DLGAP4: variants seen among roughly 807,000 people sequenced by gnomAD.
DLGAP4 encodes DLG associated protein 4, also known as disks large-associated protein 4.
Under a neutral mutation model 86.9 loss-of-function variants are expected in DLGAP4, and 18 were observed. The observed-to-expected ratio is 0.21, with a 90% CI of 0.14 to 0.31. The LOEUF is 0.31. Among genes scored for constraint, DLGAP4 ranks in the 10% least tolerant of loss-of-function variants. The probability of loss-of-function intolerance (pLI) is 1.00; values close to 1 mark genes in which losing one functional copy is unlikely to be tolerated. For synonymous variants in DLGAP4, 548 were observed against 574.3 expected (o/e 0.95, Z 0.65); for missense variants, 1,085 against 1,362.6 (o/e 0.80, Z 3.21).
chr20:36,466,794 C>T (rs570659249), intron 7 of DLGAP4, among the ~76,000 whole-genome samples: 2 of 152,344 alleles, frequency 1.3e-5, no homozygotes, highest in East Asian at 1.9e-4. Flanking sequence ...TGCCTCCCTC[C>T]CCCGGGCTCC....
At chr20:36,319,846 C>A (rs373293264) in intron 1 of DLGAP4, among the ~76,000 whole-genome samples, 26 of 152,232 alleles carry the variant, frequency 1.7e-4, no homozygotes, top group African/African-American at 5.5e-4. Context: ...CCACCCCAGG[C>A]CTCTGTGTGA....
chr20:36,329,446 T>C (rs1277318497), intron 1 of DLGAP4, among the ~76,000 whole-genome samples: 1 of 152,206 alleles, frequency 6.6e-6, no homozygotes, highest in African/African-American at 2.4e-5. Flanking sequence ...ACTGAAGTAA[T>C]GTGTGCAAGA....
intron 7 of DLGAP4, among the ~76,000 whole-genome samples, chr20:36,488,542 C>G (rs2035520486): frequency 6.6e-6 from 1 of 152,010 alleles, no homozygotes; most frequent in Non-Finnish European, 1.5e-5. Flanking sequence ...ACCAACCAAT[C>G]AATCCATAAC....
chr20:36,500,543 C>T lies in DLGAP4; in HGVS notation c.2444C>T (p.Thr815Ile). The T allele has an allele frequency of 1.3e-6, 2 of 1,548,106 alleles. No individual in the cohort carries two copies. The highest frequency in any genetic ancestry group is 1.7e-6 in the Non-Finnish European group (2 of 1,150,288). ...TTCCTAAAGCTACTGCAGGCAGAAA[C>T]AGAGCGGCTGGAAGGCTGGTGCTGC... The part of the protein sequence containing the change: ...YWFLKLLQAE[T>I]ERLEGWCCQM... The change falls in exon 10 of 13, where the codon ACA becomes ATA. Residue 815 changes from threonine (T) to isoleucine (I), a missense_variant. Transcript: ENST00000339266. The surrounding 1 kb of genome is among the most constrained non-coding windows in gnomAD (Gnocchi z 4.6).
intron 2 of DLGAP4, among the ~76,000 whole-genome samples, chr20:36,389,832 T>G (rs1398636584): frequency 6.6e-6 from 1 of 152,218 alleles, no homozygotes; most frequent in Non-Finnish European, 1.5e-5. Context: ...AATTAATTGC[T>G]CAGGTGTGTG....
At chr20:36,416,163 C>T (rs1365534790) in intron 2 of DLGAP4, among the ~76,000 whole-genome samples, 1 of 152,088 alleles carries the variant, frequency 6.6e-6, no homozygotes. Flanking sequence ...GCTTTGTCGC[C>T]CAGGCTGGAG....
chr20:36,434,888 A>C (rs6018807), intron 3 of DLGAP4, among the ~76,000 whole-genome samples: 4,873 of 152,120 alleles, frequency 0.032, 283 homozygotes, highest in African/African-American at 0.11. Context: ...ACACTGAATG[A>C]GTGGGCTTGG....
chr20:36,519,978 T>C (rs2037277802), intron 10 of DLGAP4, among the ~76,000 whole-genome samples: 1 of 151,168 alleles, frequency 6.6e-6, no homozygotes, highest in African/African-American at 2.4e-5. Flanking sequence ...TTTCTTTTGG[T>C]AGAGAAGAGG....
chr20:36,341,183 G>A (rs1335486320), intron 1 of DLGAP4, among the ~76,000 whole-genome samples: 5 of 152,276 alleles, frequency 3.3e-5, no homozygotes, highest in African/African-American at 7.2e-5. Context: ...TCAGGACCTC[G>A]GCCCGGCCAT....
chr20:36,412,979 CTTTTT>C (rs71184093), intron 2 of DLGAP4, among the ~76,000 whole-genome samples: 1 of 110,852 alleles, frequency 9.0e-6, no homozygotes, highest in African/African-American at 3.7e-5. Flanking sequence ...GAACTCTTTT[CTTTTT>C]TTTTTTTTTT....
At chr20:36,391,155 G>A (rs556594436) in intron 2 of DLGAP4, among the ~76,000 whole-genome samples, 1 of 152,224 alleles carries the variant, frequency 6.6e-6, no homozygotes, top group East Asian at 1.9e-4. Flanking sequence ...TTCTATCTCA[G>A]AGACTGCCCC....
At chr20:36,376,965 G>A (rs185454960) in intron 2 of DLGAP4, among the ~76,000 whole-genome samples, 7 of 152,276 alleles carry the variant, frequency 4.6e-5, no homozygotes, top group Admixed American at 3.9e-4. Context: ...ACGGTCCAGG[G>A]GCAGAGGTGG....
chr20:36,497,407 C>T (rs1169417453), intron 8 of DLGAP4: 11 of 1,142,394 alleles, frequency 9.6e-6, no homozygotes, highest in African/African-American at 9.6e-5. Context: ...CCAGCTGACC[C>T]GTGGGAGGCG....
At chr20:36,353,553 C>G (rs926727767) in intron 1 of DLGAP4, among the ~76,000 whole-genome samples, 1 of 152,220 alleles carries the variant, frequency 6.6e-6, no homozygotes, top group African/African-American at 2.4e-5. Context: ...TTCTTGTAAG[C>G]ACCTGGTTAC....
chr20:36,467,017 C>T (rs1600582456), intron 7 of DLGAP4, among the ~76,000 whole-genome samples: 1 of 50,358 alleles, frequency 2.0e-5, no homozygotes, highest in Non-Finnish European at 3.2e-5. Context: ...CTCTCTCTCT[C>T]CTCTCTCTCT....
chr20:36,383,640 A>G (rs917929548), intron 2 of DLGAP4, among the ~76,000 whole-genome samples: 1 of 152,086 alleles, frequency 6.6e-6, no homozygotes, highest in Non-Finnish European at 1.5e-5. Flanking sequence ...TGAGAAACAC[A>G]CAGGAAAACT....
intron 2 of DLGAP4, among the ~76,000 whole-genome samples, chr20:36,367,513 A>C (rs1275851351): frequency 2.6e-5 from 4 of 152,128 alleles, no homozygotes; most frequent in Non-Finnish European, 5.9e-5. Context: ...AGCCTCAGAG[A>C]GGGGAAGCCA....
chr20:36,320,310 C>T (rs1358881998), intron 1 of DLGAP4, among the ~76,000 whole-genome samples: 1 of 151,674 alleles, frequency 6.6e-6, no homozygotes, highest in Non-Finnish European at 1.5e-5. Flanking sequence ...CCAGCCCCAC[C>T]CCGTGTCCCC....
rs2147542145 is a variant in DLGAP4 at position 36,432,512 on chromosome 20, T to C, written c.795T>C (p.Thr265=). 1.2e-6 allele frequency: 2 copies of C among 1,612,432 alleles called. No individual in the cohort carries two copies. Among genetic ancestry groups the C allele is most frequent in the African/African-American group, 1.3e-5 (1 of 74,828 alleles). The change falls in exon 3 of 13, where the codon ACT becomes ACC. Residue 265 remains threonine (T), a synonymous_variant. Transcript: ENST00000339266. The surrounding 1 kb of genome is among the most constrained non-coding windows in gnomAD (Gnocchi z 6.5). ...CCAAGAACAACACTACTGAGCTGAC[T>C]GCCCCACCACCCCCGCCCGCACCCC... is the stretch of plus-strand genomic sequence containing the variant. ...KTTKNNTTEL[T]APPPPPAPPA... is the part of the protein sequence containing the mutation.
Sources: gnomAD v4.1 joint callset for allele counts (sites outside exome capture counted in the v4.1 genomes callset) on GRCh38, gnomAD v4.1.1 for gene constraint, Gnocchi (gnomAD v3.1) non-coding constraint, MANE v1.5 for transcripts, NCBI Gene and HGNC (gene_info 2026-07-23, HGNC 2026-07-21) for gene names.